PCDHGB1: variants seen among roughly 807,000 people sequenced by gnomAD.
PCDHGB1 encodes the protein protocadherin gamma subfamily B, 1.
In PCDHGB1, 34 loss-of-function variants were observed where a neutral mutation model predicts 56.6. That is an observed-to-expected ratio of 0.60 (90% confidence interval 0.46 to 0.80). PCDHGB1 has a LOEUF of 0.80. Among genes scored for constraint, PCDHGB1 ranks in the 30% least tolerant of loss-of-function variants. The probability of loss-of-function intolerance (pLI) is 0.00; values close to 1 mark genes in which losing one functional copy is unlikely to be tolerated. For missense variants in PCDHGB1, 1,278 were observed against 1,204.6 expected (o/e 1.06, Z -0.90); for synonymous variants, 561 against 505.9 (o/e 1.11, Z -1.46).
intron 1 of PCDHGB1, chr5:141,393,501 G>C (rs754946327): frequency 1.9e-6 from 3 of 1,614,044 alleles, no homozygotes; most frequent in Non-Finnish European, 2.5e-6. Flanking sequence ...GCGCATCCAC[G>C]TGACAGTGTT....
At chr5:141,500,840 C>T (rs1394248251) in intron 2 of PCDHGB1, among the ~76,000 whole-genome samples, 1 of 151,966 alleles carries the variant, frequency 6.6e-6, no homozygotes, top group Non-Finnish European at 1.5e-5. Flanking sequence ...TGCTAATGGG[C>T]TTTTGCTACA....
intron 1 of PCDHGB1, chr5:141,373,960 G>A: frequency 1.1e-6 from 1 of 939,502 alleles, no homozygotes; most frequent in African/African-American, 1.7e-5. Flanking sequence ...ATTCTGACCT[G>A]AAACGCTTCG....
chr5:141,468,820 C>G (rs1055751689), intron 1 of PCDHGB1, among the ~76,000 whole-genome samples: 1 of 151,830 alleles, frequency 6.6e-6, no homozygotes, highest in Non-Finnish European at 1.5e-5. Context: ...GAGCCAAGAT[C>G]AAGCCACTGC....
chr5:141,372,217 T>A (rs1267940459), intron 1 of PCDHGB1: 1 of 1,613,564 alleles, frequency 6.2e-7, no homozygotes, highest in Admixed American at 1.7e-5. Context: ...TCCTACCACA[T>A]TGTGCAGGCC....
At chr5:141,481,441 T>C (rs1397908285) in intron 1 of PCDHGB1, among the ~76,000 whole-genome samples, 1 of 152,250 alleles carries the variant, frequency 6.6e-6, no homozygotes, top group East Asian at 1.9e-4. Context: ...ATCAGTTTAG[T>C]ACATGTAAAT....
intron 1 of PCDHGB1, among the ~76,000 whole-genome samples, chr5:141,465,396 C>A (rs2099102528): frequency 6.6e-6 from 1 of 152,054 alleles, no homozygotes; most frequent in Admixed American, 6.6e-5. Context: ...AAAAACAAGT[C>A]AGAAGAAGCC....
chr5:141,405,056 T>A (rs770920034), intron 1 of PCDHGB1: 8 of 1,613,836 alleles, frequency 5.0e-6, no homozygotes, highest in Non-Finnish European at 6.8e-6. Context: ...AGTCGTCTCC[T>A]GTGTCTTCCT....
Position 141,491,401 on chromosome 5 carries a change from G to T in PCDHGB1, c.2410-3406G>T, listed in dbSNP as rs1442005704. ...GTCAGCGAAGTGCCTTCAGGGAAAC[G>T]CAGACGGGGACGGGGGTGGAGGGCA... On this transcript the variant is annotated intron_variant, in intron 1 of 3. Coordinates refer to ENST00000523390, the MANE Select transcript of PCDHGB1 (RefSeq NM_018922.3). The surrounding 1 kb of genome is among the most constrained non-coding windows in gnomAD (Gnocchi z 6.9). 1.2e-6 allele frequency: 2 copies of T among 1,614,102 alleles called. No homozygotes were observed. Among genetic ancestry groups the T allele is most frequent in the Non-Finnish European group, 1.7e-6 (2 of 1,179,990 alleles).
At chr5:141,378,089 T>C (rs1272599640) in intron 1 of PCDHGB1, 1 of 152,254 alleles carries the variant, frequency 6.6e-6, no homozygotes, top group East Asian at 1.9e-4. Flanking sequence ...TATAACTTTT[T>C]TTCAAACTCT....
intron 1 of PCDHGB1, chr5:141,399,551 T>C: frequency 6.2e-7 from 1 of 1,614,052 alleles, no homozygotes; most frequent in Non-Finnish European, 8.5e-7. Context: ...GCCTCGGACC[T>C]GGACTTGGGG....
intron 1 of PCDHGB1, chr5:141,418,513 G>T (rs377653202): frequency 1.1e-4 from 173 of 1,613,842 alleles, no homozygotes; most frequent in Non-Finnish European, 1.2e-4. Flanking sequence ...TAGATGGTGG[G>T]GACCCTCCCC....
chr5:141,431,770 T>A lies in PCDHGB1; in HGVS notation c.2410-63037T>A, dbSNP rs748816389. 7 of 1,614,086 alleles carry A rather than the reference T, an allele frequency of 4.3e-6. No homozygotes were observed. The highest frequency in any genetic ancestry group is 1.3e-5 in the African/African-American group (1 of 74,938). ...CGCGAGCCAAAGTCCTGATCACTGT[T>A]CTGGACGTGAACGACAATGCCCCAG... On this transcript the variant is annotated intron_variant, in intron 1 of 3. Coordinates refer to ENST00000523390, the MANE Select transcript of PCDHGB1 (RefSeq NM_018922.3). This position sits in a 1 kb window ranked among gnomAD's most constrained non-coding sequence, Gnocchi z 4.8.
rs753702657 is a variant in PCDHGB1 at position 141,415,195 on chromosome 5, C to G, written c.2409+62526C>G. ...CGTGGCCGTGGCCGACAGCATCCCC[C>G]AAGTCCTGGCGGACCTCGGCAGCTT... On this transcript the variant is annotated intron_variant, in intron 1 of 3. Transcript: ENST00000523390. 5 of 1,614,058 alleles carry G rather than the reference C, an allele frequency of 3.1e-6. No individual in the cohort carries two copies. The highest frequency in any genetic ancestry group is 1.1e-5 in the South Asian group (1 of 91,090).
chr5:141,357,103 A>G, intron 1 of PCDHGB1: 1 of 1,613,860 alleles, frequency 6.2e-7, no homozygotes, highest in Non-Finnish European at 8.5e-7. Context: ...CCTGCTGGAC[A>G]GAGACGCGCT....
At position 141,487,641 on chromosome 5, in the gene PCDHGB1, T is replaced by C. The variant is rs1343702532; in HGVS notation, c.2410-7166T>C. The stretch of plus-strand genomic sequence containing the variant: ...GTGAGACCTTTGCAGGCTCAACAAA[T>C]GCTTGAGGGTTATTCTGATCCAGGC... On this transcript the variant is annotated intron_variant, in intron 1 of 3. Coordinates refer to ENST00000523390, the MANE Select transcript of PCDHGB1 (RefSeq NM_018922.3). The surrounding 1 kb of genome is among the most constrained non-coding windows in gnomAD (Gnocchi z 5.0). The C allele has an allele frequency of 6.2e-7, 1 of 1,614,122 alleles. No individual in the cohort carries two copies. Among genetic ancestry groups the C allele is most frequent in the Non-Finnish European group, 8.5e-7 (1 of 1,179,998 alleles).
At chr5:141,466,556 T>C (rs1398776914) in intron 1 of PCDHGB1, among the ~76,000 whole-genome samples, 1 of 152,222 alleles carries the variant, frequency 6.6e-6, no homozygotes, top group Non-Finnish European at 1.5e-5. Context: ...TGCTGTGGGC[T>C]TCATCTTCAA....
chr5:141,487,477 C>A lies in PCDHGB1; in HGVS notation c.2410-7330C>A, dbSNP rs748435479. On this transcript the variant is annotated intron_variant, in intron 1 of 3. Transcript: ENST00000523390. The surrounding 1 kb of genome is among the most constrained non-coding windows in gnomAD (Gnocchi z 5.0). ...TCAAGTTTGTTGATGTGGGAGGCCA[C>A]TCTCATGGCTGTACACCCTTGGCTT... 1 of 1,614,200 alleles carries A rather than the reference C, an allele frequency of 6.2e-7. No individual in the cohort carries two copies. The highest frequency in any genetic ancestry group is 1.7e-5 in the Admixed American group (1 of 60,030).
Position 141,354,886 on chromosome 5 carries a change from C to T in PCDHGB1, c.2409+2217C>T, listed in dbSNP as rs1759661341. The T allele has an allele frequency of 1.1e-5, 4 of 380,470 alleles. No individual in the cohort carries two copies. The East Asian group carries it at 1.6e-4, about 15-fold the overall frequency. The allele number at this position is 380,470 out of a possible 1,614,324, so 23.6% of individuals were successfully genotyped here. ...AAAAACAGGAATTTGACTTTATTAT[C>T]TTGGGAGAAATAGGAATAGAAAAGT... is the stretch of plus-strand genomic sequence containing the variant. On this transcript the variant is annotated intron_variant, in intron 1 of 3. Transcript: ENST00000523390.
Position 141,476,477 on chromosome 5 carries a change from G to C in PCDHGB1, c.2410-18330G>C. ...GGAGAACCCGCTGGAGCTGTTCAGCGTGGAAGTGGTGATCCAGGACATCAA... is the reference window on the plus strand; with the variant it reads ...GGAGAACCCGCTGGAGCTGTTCAGCCTGGAAGTGGTGATCCAGGACATCAA... On this transcript the variant is annotated intron_variant, in intron 1 of 3. Coordinates refer to ENST00000523390, the MANE Select transcript of PCDHGB1 (RefSeq NM_018922.3). The surrounding 1 kb of genome is among the most constrained non-coding windows in gnomAD (Gnocchi z 7.6). The C allele has an allele frequency of 5.0e-6, 8 of 1,614,078 alleles. No homozygotes were observed. Among genetic ancestry groups the C allele is most frequent in the Non-Finnish European group, 6.8e-6 (8 of 1,180,018 alleles).
Sources: allele counts gnomAD v4.1 joint callset (sites outside exome capture counted in the v4.1 genomes callset), GRCh38; gene constraint gnomAD v4.1.1; non-coding constraint Gnocchi (gnomAD v3.1); transcripts MANE v1.5; gene names NCBI Gene and HGNC (gene_info 2026-07-23, HGNC 2026-07-21).